CRYBG1: variants seen among roughly 807,000 people sequenced by gnomAD.
CRYBG1 encodes the protein beta/gamma crystallin domain-containing protein 1.
Under a neutral mutation model 189.2 loss-of-function variants are expected in CRYBG1, and 139 were observed. The observed-to-expected ratio is 0.73, with a 90% CI of 0.64 to 0.85. CRYBG1 has a LOEUF of 0.85. Ranked by LOEUF, CRYBG1 falls within the 40% of genes least tolerant of loss-of-function variation. CRYBG1 has a pLI of 0.00. For synonymous variants in CRYBG1, 1,023 were observed against 1,017.1 expected (o/e 1.01, Z -0.11); for missense variants, 2,611 against 2,675.8 (o/e 0.98, Z 0.53).
At chr6:106,391,964 TGTGTGTGC>T (rs1450032030) in intron 1 of CRYBG1, among the ~76,000 whole-genome samples, 1,702 of 43,184 alleles carry the variant, frequency 0.039, 35 homozygotes, top group African/African-American at 0.16. Context: ...TGTGTGTGTG[TGTGTGTGC>T]GTGCGCGTTT....
intron 2 of CRYBG1, among the ~76,000 whole-genome samples, chr6:106,453,858 G>A (rs1456226218): frequency 2.0e-5 from 3 of 152,222 alleles, no homozygotes; most frequent in Admixed American, 1.3e-4. Context: ...ACCTGGGAGA[G>A]GCGGAGGCTT....
chr6:106,557,620 A>G (rs573425381), intron 17 of CRYBG1, among the ~76,000 whole-genome samples: 1 of 152,174 alleles, frequency 6.6e-6, no homozygotes, highest in East Asian at 1.9e-4. Context: ...TTTAATAGAG[A>G]TGGGGTTTCA....
At chr6:106,384,274 A>C (rs1724582200) in intron 1 of CRYBG1, among the ~76,000 whole-genome samples, 1 of 152,122 alleles carries the variant, frequency 6.6e-6, no homozygotes, top group African/African-American at 2.4e-5. Flanking sequence ...GTGGTCCCCA[A>C]CCTTTTTGGC....
chr6:106,410,966 C>G lies in CRYBG1; in HGVS notation c.174-40728C>G, dbSNP rs138160770. ...TGGCACATGTATAATGCCTATGTAA[C>G]AAACCTGCACGTTCTGCACATGTAT... On this transcript the variant is annotated intron_variant, in intron 1 of 21. Transcript: ENST00000633556. 6.8e-3 allele frequency among the ~76,000 whole-genome samples: 1,037 copies of G among 152,178 alleles called. 15 individuals are homozygous for G. The highest frequency in any genetic ancestry group is 0.023 in the African/African-American group (969 of 41,504).
At chr6:106,530,595 A>G (rs1305141739) in intron 8 of CRYBG1, among the ~76,000 whole-genome samples, 5 of 152,196 alleles carry the variant, frequency 3.3e-5, no homozygotes, top group African/African-American at 9.7e-5. Context: ...GATTTATTCA[A>G]AGCTGAGTAG....
Position 106,519,469 on chromosome 6 carries a change from C to G in CRYBG1, c.2261C>G (p.Thr754Ser). ...GAAACTGCTATAGAAACCAAAGTTA[C>G]CGTCTCGGAAGAAGAGATTCTGCCA... ...VKETAIETKV[T>S]VSEEEILPAT... Residue 754 changes from threonine (T) to serine (S), a missense_variant, in exon 4 of 22, where the codon ACC (threonine) becomes AGC (serine). By Grantham distance (58) the Thr-to-Ser change is moderately conservative. Transcript: ENST00000633556. 2 of 1,614,076 alleles carry G rather than the reference C, an allele frequency of 1.2e-6. No homozygotes were observed. Among genetic ancestry groups the G allele is most frequent in the Non-Finnish European group, 1.7e-6 (2 of 1,180,024 alleles).
rs1176896108 is a variant in CRYBG1 at position 106,456,374 on chromosome 6, C to T, written c.312+4542C>T. Among the ~76,000 whole-genome samples the T allele has an allele frequency of 2.6e-5, 4 of 151,012 alleles. No individual in the cohort carries two copies. In the East Asian group the frequency reaches 7.8e-4, roughly 29 times the overall value. On this transcript the variant is annotated intron_variant, in intron 2 of 21. Coordinates refer to ENST00000633556, the MANE Select transcript of CRYBG1 (RefSeq NM_001371242.2). ...ATGGAGTTTCACCATATTGGCCAGGCTGGTCTTGAACTCCTAACCTCAAAT... is the reference window on the plus strand; with the variant it reads ...ATGGAGTTTCACCATATTGGCCAGGTTGGTCTTGAACTCCTAACCTCAAAT...
In CRYBG1 at chr6:106,539,459, G is replaced by C; in HGVS notation, c.4775G>C (p.Gly1592Ala). 1 of 1,613,954 alleles carries C rather than the reference G, an allele frequency of 6.2e-7. No homozygotes were observed. Among genetic ancestry groups the C allele is most frequent in the Non-Finnish European group, 8.5e-7 (1 of 1,179,908 alleles). ...FQGVPFILEP[G>A]EYPDLSFWDT... The stretch of plus-strand genomic sequence containing the variant: ...GGTGTTCCTTTCATCCTGGAACCTG[G>C]TGAATACCCTGACTTGTCCTTCTGG... The change falls in exon 9 of 22, where the codon GGT becomes GCT. Residue 1592 changes from glycine (G) to alanine (A), a missense_variant. Physicochemically the swap from Gly to Ala is moderately conservative, Grantham distance 60 (BLOSUM62 0). Coordinates refer to ENST00000633556, the MANE Select transcript of CRYBG1 (RefSeq NM_001371242.2).
chr6:106,525,293 T>A lies in CRYBG1; in HGVS notation c.4319T>A (p.Val1440Asp). ...GTAGTGATATATAGTGAACCCGACG[T>A]CTCTGAGAAGTGCATTGAAGTTTTC... ...GKVVIYSEPD[V>D]SEKCIEVFSD... The change falls in exon 6 of 22, where the codon GTC (valine) becomes GAC (aspartate). Residue 1440 changes from valine (V) to aspartate (D), a missense_variant. By Grantham distance (152) the Val-to-Asp change is radical. Coordinates refer to ENST00000633556, the MANE Select transcript of CRYBG1 (RefSeq NM_001371242.2). 1 of 1,614,140 alleles carries A rather than the reference T, an allele frequency of 6.2e-7. No homozygotes were observed. Among genetic ancestry groups the A allele is most frequent in the South Asian group, 1.1e-5 (1 of 91,090 alleles).
intron 1 of CRYBG1, among the ~76,000 whole-genome samples, chr6:106,450,164 G>A (rs1183157850): frequency 6.6e-6 from 1 of 150,440 alleles, no homozygotes. Context: ...GTTGCAGTGA[G>A]CTGAGATCAT....
At chr6:106,482,576 C>G (rs551921514) in intron 2 of CRYBG1, among the ~76,000 whole-genome samples, 16 of 152,174 alleles carry the variant, frequency 1.1e-4, no homozygotes, top group South Asian at 1.0e-3. Flanking sequence ...GAGATCGAGA[C>G]CATCCTGGCT....
intron 1 of CRYBG1, among the ~76,000 whole-genome samples, chr6:106,415,416 C>A (rs999765693): frequency 1.3e-5 from 2 of 152,142 alleles, no homozygotes; most frequent in Admixed American, 1.3e-4. Flanking sequence ...GAACAAAAGT[C>A]CTTCTGCTTA....
rs1773309019 is a variant in CRYBG1, at chr6:106,512,605, C to A, written c.1488C>A (p.Leu496=). 6.2e-7 allele frequency: 1 copy of A among 1,603,058 alleles called. No homozygotes were observed. Among genetic ancestry groups the A allele is most frequent in the Non-Finnish European group, 8.5e-7 (1 of 1,175,724 alleles). The change falls in exon 3 of 22, where the codon CTC becomes CTA. Residue 496 remains leucine (L), a synonymous_variant. Coordinates refer to ENST00000633556, the MANE Select transcript of CRYBG1 (RefSeq NM_001371242.2). ...CCAGCCCCGGTACCAAAGGGCAGCT[C>A]CGAGGGGAGTCGGACCGGAGCAAAC... ...SKPSPGTKGQ[L]RGESDRSKQP...
At chr6:106,511,092 A>C (rs1255191265) in intron 2 of CRYBG1, among the ~76,000 whole-genome samples, 1 of 152,174 alleles carries the variant, frequency 6.6e-6, no homozygotes, top group Non-Finnish European at 1.5e-5. Context: ...TTGCATCTTT[A>C]TTGAGGAAGA....
chr6:106,457,857 A>G (rs1321361566), intron 2 of CRYBG1, among the ~76,000 whole-genome samples: 2 of 152,232 alleles, frequency 1.3e-5, no homozygotes, highest in African/African-American at 4.8e-5. Flanking sequence ...AAATACACTT[A>G]GGGGAAAAAA....
At chr6:106,493,569 T>C (rs151240266) in intron 2 of CRYBG1, among the ~76,000 whole-genome samples, 2 of 152,164 alleles carry the variant, frequency 1.3e-5, no homozygotes, top group African/African-American at 4.8e-5. Flanking sequence ...TTCACAATAG[T>C]CAAGAGAAGG....
At chr6:106,396,910 G>C (rs1770624753) in intron 1 of CRYBG1, among the ~76,000 whole-genome samples, 1 of 152,218 alleles carries the variant, frequency 6.6e-6, no homozygotes, top group Admixed American at 6.5e-5. Context: ...TCGAACTCCT[G>C]ACCTTGTGAT....
chr6:106,552,988 G>A (rs532503375), intron 15 of CRYBG1, among the ~76,000 whole-genome samples: 69 of 152,290 alleles, frequency 4.5e-4, no homozygotes, highest in African/African-American at 1.6e-3. Flanking sequence ...AGTGTTCACA[G>A]AGCCATAATT....
intron 13 of CRYBG1, among the ~76,000 whole-genome samples, chr6:106,550,873 C>T (rs1774382978): frequency 6.6e-6 from 1 of 151,914 alleles, no homozygotes; most frequent in Non-Finnish European, 1.5e-5. Context: ...AAAAAAAAAG[C>T]ACAGAGAAGT....
Sources: allele counts gnomAD v4.1 joint callset (sites outside exome capture counted in the v4.1 genomes callset), GRCh38; gene constraint gnomAD v4.1.1; transcripts MANE v1.5; gene names NCBI Gene and HGNC (gene_info 2026-07-23, HGNC 2026-07-21).